KLRF2: variants seen among roughly 807,000 people sequenced by gnomAD.
The protein encoded by KLRF2 is killer cell lectin like receptor F2.
A neutral mutation model predicts 25.3 loss-of-function variants in KLRF2; 28 were observed. That is an observed-to-expected ratio of 1.11 (90% confidence interval 0.82 to 1.52). KLRF2 has a LOEUF of 1.52. Ranked by LOEUF, KLRF2 falls within the 40% of genes most tolerant of loss-of-function variation. The pLI is 0.00. For synonymous variants in KLRF2, 73 were observed against 85.0 expected, an observed-to-expected ratio of 0.86 and a Z score of 0.78; for missense variants, 265 against 245.8, an observed-to-expected ratio of 1.08 and a Z score of -0.52.
At chr12:9,888,638 A>T (rs1030463230) in intron 2 of KLRF2, 95 bp from the exon 3 acceptor site, 12 of 661,174 alleles carry the variant, frequency 1.8e-5, no homozygotes, top group African/African-American at 1.6e-4. Context: ...TTTTATTAGT[A>T]TGCCTTCATT....
chr12:9,881,747 T>G (rs1229224800), intron 1 of KLRF2, 82 bp downstream of exon 1: 1 of 981,320 alleles, frequency 1.0e-6, no homozygotes, highest in Non-Finnish European at 1.5e-6. Flanking sequence ...ATTTTTAACA[T>G]CTTAACATTG....
chr12:9,887,377 C>T (rs1196030297), intron 2 of KLRF2, among the ~76,000 whole-genome samples: 1 of 152,030 alleles, frequency 6.6e-6, no homozygotes, highest in Non-Finnish European at 1.5e-5. Flanking sequence ...TTAGTTTTCC[C>T]CCAAAGCAAA....
chr12:9,884,717 A>C (rs1377801034), intron 1 of KLRF2, among the ~76,000 whole-genome samples: 6 of 151,014 alleles, frequency 4.0e-5, no homozygotes, highest in African/African-American at 1.5e-4. Flanking sequence ...ACACCACCAA[A>C]TAATTAACAA....
rs1862747508 is a variant in KLRF2 at position 9,895,608 on chromosome 12, A to C, written c.480-81A>C. ...TTTGGCTGCTGAAGAATTACCTATA[A>C]AAGTTTGGCTGGAGAAAACTTTAAA... On this transcript the variant is annotated intron_variant, in intron 5 of 5. Transcript: ENST00000535540. The C allele has an allele frequency of 4.5e-6, 6 of 1,341,268 alleles. No homozygotes were observed. In the South Asian group the frequency reaches 9.4e-5, roughly 21 times the overall value. The allele number at this position is 1,341,268 out of a possible 1,614,324, so 83.1% of individuals were successfully genotyped here.
At chr12:9,888,265 C>A (rs772050215) in intron 2 of KLRF2, among the ~76,000 whole-genome samples, 2 of 151,444 alleles carry the variant, frequency 1.3e-5, no homozygotes, top group Non-Finnish European at 2.9e-5. Flanking sequence ...CCGAGGCGGG[C>A]GGATCACGAG....
chr12:9,894,092 T>C (rs1211455675), intron 5 of KLRF2, among the ~76,000 whole-genome samples: 1 of 151,600 alleles, frequency 6.6e-6, no homozygotes, highest in African/African-American at 2.4e-5. Flanking sequence ...TCTTCTTCTT[T>C]CTCTTTCTCT....
chr12:9,893,163 GA>G lies in KLRF2; in HGVS notation c.362del (p.Glu121GlyfsTer9). 1 of 1,530,582 alleles carries G rather than the reference GA, an allele frequency of 6.5e-7. No homozygotes were observed. Among genetic ancestry groups the G allele is most frequent in the Non-Finnish European group, 8.7e-7 (1 of 1,143,146 alleles). 94.8% of individuals were successfully genotyped at this position (1,530,582 alleles called of 1,614,324 possible). ...AHLLVIQNLDELEFIQNSLKP... is the reference protein window; with the variant it reads ...AHLLVIQNLDXLEFIQNSLKP... ...TTTACTGGTGATTCAAAATTTGGATGAGCTGGTGAGAAATCAAAAACAGGAT... is the reference window on the plus strand; with the variant it reads ...TTTACTGGTGATTCAAAATTTGGATGGCTGGTGAGAAATCAAAAACAGGAT... On this transcript the variant is annotated frameshift_variant, in exon 4 of 6. Coordinates refer to ENST00000535540, the MANE Select transcript of KLRF2 (RefSeq NM_001190765.1). LOFTEE classifies it high-confidence loss of function.
intron 2 of KLRF2, among the ~76,000 whole-genome samples, chr12:9,888,496 A>T (rs924551517): frequency 9.2e-5 from 14 of 152,050 alleles, no homozygotes; most frequent in Non-Finnish European, 1.9e-4. Context: ...TCTCAAAAAA[A>T]AAATAAAAAT....
At chr12:9,889,687 T>C (rs988998931) in intron 3 of KLRF2, among the ~76,000 whole-genome samples, 1 of 151,620 alleles carries the variant, frequency 6.6e-6, no homozygotes, top group South Asian at 2.1e-4. Flanking sequence ...TATACATATA[T>C]ACACACATAT....
At chr12:9,885,668 G>A (rs1473465012) in intron 2 of KLRF2, among the ~76,000 whole-genome samples, 1 of 151,840 alleles carries the variant, frequency 6.6e-6, no homozygotes, top group Non-Finnish European at 1.5e-5. Flanking sequence ...GGGCAATTTT[G>A]TGTTTTTCCC....
intron 1 of KLRF2, among the ~76,000 whole-genome samples, chr12:9,883,550 T>C (rs1332628581): frequency 2.6e-5 from 4 of 152,228 alleles, no homozygotes; most frequent in African/African-American, 9.6e-5. Context: ...CTCCCTGGCA[T>C]GTATGGAAAG....
intron 5 of KLRF2, among the ~76,000 whole-genome samples, chr12:9,894,522 C>T (rs1431778214): frequency 1.3e-5 from 2 of 152,128 alleles, no homozygotes; most frequent in Non-Finnish European, 2.9e-5. Flanking sequence ...ATCCACGATA[C>T]TTTCTTCACA....
intron 5 of KLRF2, among the ~76,000 whole-genome samples, chr12:9,894,248 C>G (rs897920272): frequency 6.7e-6 from 1 of 150,158 alleles, no homozygotes; most frequent in Non-Finnish European, 1.5e-5. Flanking sequence ...GTGGCATGAT[C>G]GTGGCTTACT....
At chr12:9,892,142 A>G (rs1862683766) in intron 3 of KLRF2, among the ~76,000 whole-genome samples, 2 of 152,232 alleles carry the variant, frequency 1.3e-5, no homozygotes, top group Non-Finnish European at 1.5e-5. Context: ...CTATGTGTTG[A>G]GTCTTACAGA....
At chr12:9,894,195 T>C (rs191125126) in intron 5 of KLRF2, among the ~76,000 whole-genome samples, 1,738 of 150,568 alleles carry the variant, frequency 0.012, 28 homozygotes, top group African/African-American at 0.035. Flanking sequence ...TTCTTTCTTT[T>C]TTTTTCAGCA....
At chr12:9,891,008 CTT>C (rs1482110681) in intron 3 of KLRF2, among the ~76,000 whole-genome samples, 2 of 149,800 alleles carry the variant, frequency 1.3e-5, no homozygotes, top group African/African-American at 4.9e-5. Flanking sequence ...TAATATGCCT[CTT>C]GAGTCTTAAT....
intron 5 of KLRF2, 118 bp from the exon 6 acceptor site, chr12:9,895,571 C>T: frequency 1.1e-6 from 1 of 906,368 alleles, no homozygotes; most frequent in East Asian, 2.8e-5. Context: ...CATTCTAAAA[C>T]CTCTGCAAAA....
intron 1 of KLRF2, among the ~76,000 whole-genome samples, 167 bp from the exon 2 acceptor site, chr12:9,884,767 T>C (rs1316558703): frequency 6.6e-6 from 1 of 151,418 alleles, no homozygotes; most frequent in Non-Finnish European, 1.5e-5. Flanking sequence ...ATAATAGTAG[T>C]ATCTCCTTGG....
chr12:9,895,703 G>C lies in KLRF2; in HGVS notation c.494G>C (p.Gly165Ala). Residue 165 changes from glycine to alanine, a missense_variant, in exon 6 of 6, where the codon GGA (glycine) becomes GCA (alanine). Gly to Ala is a moderately conservative substitution (Grantham distance 60). Transcript: ENST00000535540. Reference protein sequence around the residue: ...FLVPELFSVIGPTDDRSCAVI... With the variant: ...FLVPELFSVIAPTDDRSCAVI... ...TTGTCTCTTAGGTTTTCAGTGATTG[G>C]ACCAACTGATGACAGGAGCTGTGCC... is the stretch of plus-strand genomic sequence containing the variant. 1.3e-6 allele frequency: 2 copies of C among 1,532,890 alleles called. No homozygotes were observed. Among genetic ancestry groups the C allele is most frequent in the Non-Finnish European group, 1.7e-6 (2 of 1,145,824 alleles). The allele number at this position is 1,532,890 out of a possible 1,614,324, so 95.0% of individuals were successfully genotyped here. A position where few individuals can be genotyped will look rare whatever the true frequency, so the allele number is the denominator to read the frequency against.
Sources: allele counts gnomAD v4.1 joint callset (sites outside exome capture counted in the v4.1 genomes callset), GRCh38; gene constraint gnomAD v4.1.1; transcripts MANE v1.5; gene names NCBI Gene and HGNC (gene_info 2026-07-23, HGNC 2026-07-21).